The following CEP295 variants were observed in gnomAD, a reference collection of about 807,000 sequenced individuals.
The protein encoded by CEP295 is centrosomal protein 295.
A neutral mutation model predicts 291.6 loss-of-function variants in CEP295; 190 were observed. That is an observed-to-expected ratio of 0.65 (90% confidence interval 0.58 to 0.73). CEP295 has a LOEUF of 0.73. CEP295 is among the 30% of genes least tolerant of loss of function. The probability of loss-of-function intolerance (pLI) is 0.00; values close to 1 mark genes in which losing one functional copy is unlikely to be tolerated. For synonymous variants in CEP295, 993 were observed against 1,038.8 expected (o/e 0.96, Z 0.85); for missense variants, 2,863 against 2,949.4 (o/e 0.97, Z 0.68).
In CEP295 at chr11:93,695,226, T is replaced by C. The variant is rs570284052; in HGVS notation, c.1534-271T>C. 3.3e-5 allele frequency among the ~76,000 whole-genome samples: 5 copies of C among 152,382 alleles called. No individual in the cohort carries two copies. In the East Asian group the frequency reaches 5.8e-4, roughly 18 times the overall value. On this transcript the variant is annotated intron_variant, in intron 12 of 29. Transcript: ENST00000325212. ...AGTGGTGATCAGGGTTTCACTGTGC[T>C]CTCAGAAAGTAGAAATAGTTAATGT...
chr11:93,708,004 A>G (rs1459898971), intron 18 of CEP295, among the ~76,000 whole-genome samples: 1 of 152,176 alleles, frequency 6.6e-6, no homozygotes, highest in African/African-American at 2.4e-5. Flanking sequence ...AATTTTTGAC[A>G]TTTTAAAATA....
In CEP295 at chr11:93,705,253, G is replaced by T. The variant is rs1025329973; in HGVS notation, c.5597-1492G>T. ...CCCAGAGGGATAAAAATTGGTTCTT[G>T]GGGAGGTGAAAAAAAACTTTTACTA... On this transcript the variant is annotated intron_variant, in intron 17 of 29. Transcript: ENST00000325212. Among the ~76,000 whole-genome samples, 7 of 151,922 alleles carry T rather than the reference G, an allele frequency of 4.6e-5. 1 individual carries two copies. The highest frequency in any genetic ancestry group is 3.9e-4 in the Admixed American group (6 of 15,232).
intron 12 of CEP295, among the ~76,000 whole-genome samples, chr11:93,694,660 C>T (rs1045637438): frequency 3.3e-5 from 5 of 152,176 alleles, no homozygotes; most frequent in Admixed American, 1.3e-4. Context: ...TGGCCTGGTC[C>T]AGTTTACAGC....
At position 93,725,774 on chromosome 11, in the gene CEP295, GAC is replaced by G; in HGVS notation, c.6445_6446del (p.Thr2149Ter). On this transcript the variant is annotated frameshift_variant, in exon 23 of 30. Transcript: ENST00000325212. LOFTEE classifies it high-confidence loss of function. ...SLNTSPNQQP[D>X]TNLAHVGAHS... ...TAACACAAGTCCGAATCAACAACCT[GAC>G]ACTAACTTGGCTCATGTTGGAGCTC... 6.4e-7 allele frequency: 1 copy of G among 1,551,700 alleles called. No individual in the cohort carries two copies. The highest frequency in any genetic ancestry group is 8.7e-7 in the Non-Finnish European group (1 of 1,146,990).
At chr11:93,703,014 A>C (rs1952272301) in intron 17 of CEP295, 95 bp downstream of exon 17, 2 of 1,009,386 alleles carry the variant, frequency 2.0e-6, no homozygotes, top group Non-Finnish European at 2.8e-6. Flanking sequence ...CCCAGGCTGG[A>C]ATGCAATGGT....
intron 5 of CEP295, among the ~76,000 whole-genome samples, chr11:93,672,838 C>T (rs113080005): frequency 8.4e-4 from 3 of 3,580 alleles, no homozygotes; most frequent in African/African-American, 9.0e-4. Context: ...CTGTTATAAT[C>T]AATAAGGATT....
At chr11:93,693,221 G>A (rs1951677743) in intron 12 of CEP295, among the ~76,000 whole-genome samples, 2 of 148,596 alleles carry the variant, frequency 1.3e-5, no homozygotes, top group African/African-American at 4.9e-5. Flanking sequence ...AGCTTGCAGT[G>A]AGCCGAGATT....
intron 18 of CEP295, among the ~76,000 whole-genome samples, chr11:93,713,583 T>C (rs1172709130): frequency 6.6e-6 from 1 of 152,218 alleles, no homozygotes; most frequent in Admixed American, 6.5e-5. Flanking sequence ...TTGCTGCTTT[T>C]AGGATTCTTT....
chr11:93,663,846 T>C (rs552547818), intron 1 of CEP295, among the ~76,000 whole-genome samples: 1 of 152,262 alleles, frequency 6.6e-6, no homozygotes, highest in South Asian at 2.1e-4. Flanking sequence ...TCTTAAAGTA[T>C]AAGAATAAAA....
At chr11:93,714,439 C>T (rs954194216) in intron 18 of CEP295, among the ~76,000 whole-genome samples, 6 of 152,098 alleles carry the variant, frequency 3.9e-5, no homozygotes, top group Non-Finnish European at 8.8e-5. Context: ...TTAGTAAAGA[C>T]GGGGTTTCAC....
In CEP295 at chr11:93,697,971, A is replaced by C. The variant is rs1178490353; in HGVS notation, c.3059A>C (p.Gln1020Pro). 1.9e-6 allele frequency: 3 copies of C among 1,551,730 alleles called. No homozygotes were observed. ...ADTKSGKIQE[Q>P]HSSKSEKGLV... ...ACAAAATCTGGAAAAATACAGGAGC[A>C]ACATTCATCTAAGAGCGAGAAAGGA... is the stretch of plus-strand genomic sequence containing the variant. Residue 1020 changes from glutamine (Q) to proline (P), a missense_variant, in exon 15 of 30, where the codon CAA (glutamine) becomes CCA (proline). Physicochemically the swap from Gln to Pro is moderately conservative, Grantham distance 76. Coordinates refer to ENST00000325212, the MANE Select transcript of CEP295 (RefSeq NM_033395.2).
At position 93,698,963 on chromosome 11, in the gene CEP295, T is replaced by C. The variant is rs192211381; in HGVS notation, c.4051T>C (p.Leu1351=). ...ACTTATCCAGCCTCAACAAGATAAT[T>C]TGAAGGCACTTCAAGAACAGTTAGC... ...SQLIQPQQDN[L]KALQEQLATQ... The change falls in exon 15 of 30, where the codon TTG becomes CTG. Residue 1351 remains leucine (L), a synonymous_variant. Coordinates refer to ENST00000325212, the MANE Select transcript of CEP295 (RefSeq NM_033395.2). 9.8e-4 allele frequency: 1,513 copies of C among 1,551,136 alleles called. 21 individuals are homozygous for C. In the African/African-American group the frequency reaches 0.017, roughly 18 times the overall value.
chr11:93,703,930 A>G (rs896776359), intron 17 of CEP295, among the ~76,000 whole-genome samples: 1 of 151,908 alleles, frequency 6.6e-6, no homozygotes, highest in Non-Finnish European at 1.5e-5. Flanking sequence ...CACCAAGCCC[A>G]GCTAATTTTT....
intron 4 of CEP295, 132 bp from the exon 5 acceptor site, chr11:93,669,545 C>T (rs1248856990): frequency 3.5e-6 from 2 of 567,328 alleles, no homozygotes; most frequent in East Asian, 2.9e-5. Context: ...ACTCTTTACA[C>T]ATGTAAAGCT....
rs760728227 is a variant in CEP295, at chr11:93,729,928, CAGAA to C, written c.7630_7633del (p.Lys2544LeufsTer5). The C allele has an allele frequency of 4.5e-6, 7 of 1,548,762 alleles. No individual in the cohort carries two copies. Among genetic ancestry groups the C allele is most frequent in the African/African-American group, 1.4e-5 (1 of 72,528 alleles). ...AAGTCAGAGCATCTTTTCCTGAAGA[CAGAA>C]AGACTACACAGGCTCTAAGGCACCA... On this transcript the variant is annotated frameshift_variant, in exon 28 of 30. Transcript: ENST00000325212. LOFTEE classifies it high-confidence loss of function.
chr11:93,698,989 T>G lies in CEP295; in HGVS notation c.4077T>G (p.Ala1359=). ...TGAAGGCACTTCAAGAACAGTTAGCTACACAGAGAGAAGCCATCATTCTAG... is the reference window on the plus strand; with the variant it reads ...TGAAGGCACTTCAAGAACAGTTAGCGACACAGAGAGAAGCCATCATTCTAG... ...DNLKALQEQL[A]TQREAIILAR... The change falls in exon 15 of 30, where the codon GCT becomes GCG. Residue 1359 remains alanine (A), a synonymous_variant. Transcript: ENST00000325212. 1 of 1,549,816 alleles carries G rather than the reference T, an allele frequency of 6.5e-7. No homozygotes were observed. The highest frequency in any genetic ancestry group is 8.7e-7 in the Non-Finnish European group (1 of 1,147,010).
At position 93,699,729 on chromosome 11, in the gene CEP295, A is replaced by C; in HGVS notation, c.4817A>C (p.Gln1606Pro). 6.4e-7 allele frequency: 1 copy of C among 1,551,872 alleles called. No individual in the cohort carries two copies. Among genetic ancestry groups the C allele is most frequent in the Non-Finnish European group, 8.7e-7 (1 of 1,147,040 alleles). ...ILPQQDNMTA[Q>P]LDAQREVMYS... ...CCTCAGCAAGATAATATGACAGCAC[A>C]ATTGGATGCACAAAGGGAAGTGATG... Residue 1606 changes from glutamine (Q) to proline (P), a missense_variant, in exon 15 of 30, where the codon CAA becomes CCA. Gln to Pro is a moderately conservative substitution (Grantham distance 76, BLOSUM62 -1). Transcript: ENST00000325212.
chr11:93,696,492 G>A, intron 14 of CEP295, 75 bp downstream of exon 14: 1 of 1,120,032 alleles, frequency 8.9e-7, no homozygotes. Flanking sequence ...ATTTATATGA[G>A]GATCTAATTT....
intron 18 of CEP295, among the ~76,000 whole-genome samples, chr11:93,714,786 C>T (rs1233664606): frequency 1.3e-5 from 2 of 152,166 alleles, no homozygotes; most frequent in Non-Finnish European, 2.9e-5. Context: ...CTGGACTATC[C>T]AGCAGAGACT....
Sources: allele counts gnomAD v4.1 joint callset (sites outside exome capture counted in the v4.1 genomes callset), GRCh38; gene constraint gnomAD v4.1.1; transcripts MANE v1.5; gene names NCBI Gene and HGNC (gene_info 2026-07-23, HGNC 2026-07-21).